Variants in CCDC126 observed in about 807,000 individuals in gnomAD.
CCDC126 encodes the protein coiled-coil domain-containing protein 126.
Under a neutral mutation model 11.7 loss-of-function variants are expected in CCDC126, and 5 were observed. That is an observed-to-expected ratio of 0.43 (90% CI 0.22 to 0.90). The LOEUF (loss-of-function observed/expected upper bound fraction) is 0.90. Among genes scored for constraint, CCDC126 ranks in the 40% least tolerant of loss-of-function variants. The pLI is 0.27. For missense variants in CCDC126, 150 were observed against 163.1 expected (o/e 0.92, Z 0.44); for synonymous variants, 60 against 61.9 (o/e 0.97, Z 0.14).
intron 3 of CCDC126, among the ~76,000 whole-genome samples, chr7:23,638,026 C>T (rs1423224375): frequency 7.3e-6 from 1 of 136,670 alleles, no homozygotes; most frequent in African/African-American, 2.6e-5. Flanking sequence ...CGCCTCTGCC[C>T]GGCCGCCCCT....
chr7:23,627,950 ATTGCTC>A (rs1231861229), intron 3 of CCDC126, among the ~76,000 whole-genome samples: 4 of 152,202 alleles, frequency 2.6e-5, no homozygotes, highest in Non-Finnish European at 5.9e-5. Context: ...TTTAAAAATT[ATTGCTC>A]TTGCACACAA....
chr7:23,617,454 T>C (rs954956777), intron 3 of CCDC126, among the ~76,000 whole-genome samples: 2 of 152,142 alleles, frequency 1.3e-5, no homozygotes, highest in African/African-American at 4.8e-5. Context: ...TTTATGTTTC[T>C]TCCAAATATA....
chr7:23,614,384 G>A (rs1324154759), intron 3 of CCDC126, among the ~76,000 whole-genome samples: 2 of 152,062 alleles, frequency 1.3e-5, no homozygotes, highest in African/African-American at 2.4e-5. Context: ...ATTCAGTCTC[G>A]TTTTCAGGCT....
intron 3 of CCDC126, among the ~76,000 whole-genome samples, chr7:23,635,499 T>C (rs1390999123): frequency 1.3e-5 from 2 of 152,216 alleles, no homozygotes; most frequent in Non-Finnish European, 2.9e-5. Flanking sequence ...ATTGTGAATA[T>C]AGAGAAAGGA....
chr7:23,607,648 G>A (rs1393873695), intron 2 of CCDC126, among the ~76,000 whole-genome samples: 1 of 152,184 alleles, frequency 6.6e-6, no homozygotes, highest in Non-Finnish European at 1.5e-5. Context: ...AACAGTGAGT[G>A]TATTCATATT....
intron 2 of CCDC126, among the ~76,000 whole-genome samples, chr7:23,608,895 G>A (rs149420897): frequency 2.6e-5 from 4 of 152,264 alleles, no homozygotes; most frequent in African/African-American, 9.6e-5. Context: ...TGGTAGGTAG[G>A]GGGCCAGAAG....
chr7:23,612,173 T>C (rs981983963), intron 3 of CCDC126, among the ~76,000 whole-genome samples: 6 of 149,342 alleles, frequency 4.0e-5, no homozygotes, highest in African/African-American at 1.5e-4. Context: ...AAATGTATCT[T>C]GGGCTGGTGT....
At chr7:23,623,721 A>G (rs1267969393) in intron 3 of CCDC126, among the ~76,000 whole-genome samples, 1 of 152,202 alleles carries the variant, frequency 6.6e-6, no homozygotes, top group African/African-American at 2.4e-5. Flanking sequence ...GGGGTATTAT[A>G]CATTTCAAAA....
At chr7:23,606,318 A>G (rs1421239201) in intron 2 of CCDC126, among the ~76,000 whole-genome samples, 2 of 152,116 alleles carry the variant, frequency 1.3e-5, no homozygotes, top group Non-Finnish European at 2.9e-5. Context: ...TTGGCCTCCC[A>G]AAGTGCTGGG....
chr7:23,611,987 C>T (rs998426016), intron 3 of CCDC126, among the ~76,000 whole-genome samples: 1 of 151,896 alleles, frequency 6.6e-6, no homozygotes, highest in African/African-American at 2.4e-5. Context: ...ACTGAAAATA[C>T]AAAAACAAAT....
intron 3 of CCDC126, among the ~76,000 whole-genome samples, chr7:23,632,579 CTTG>C (rs952565354): frequency 3.9e-5 from 6 of 152,184 alleles, no homozygotes; most frequent in Non-Finnish European, 5.9e-5. Context: ...TGTCAGCATT[CTTG>C]TTGTGATATT....
rs942767357 is a variant in CCDC126, at chr7:23,630,158, CAT to C, written c.239-12762_239-12761del. ...CAGAATGCTCTGTTTATCCAATTTA[CAT>C]ATATATATATGACATTCCAACAATA... On this transcript the variant is annotated intron_variant, in intron 3 of 3. Transcript: ENST00000307471. Among the ~76,000 whole-genome samples, 13 of 152,042 alleles carry C rather than the reference CAT, an allele frequency of 8.6e-5. No homozygotes were observed. In the East Asian group the frequency reaches 2.3e-3, roughly 27 times the overall value.
chr7:23,638,016 C>T (rs1275099466), intron 3 of CCDC126, among the ~76,000 whole-genome samples: 5 of 129,660 alleles, frequency 3.9e-5, no homozygotes, highest in African/African-American at 1.1e-4. Context: ...AGGTGAGGAG[C>T]GCCTCTGCCC....
intron 3 of CCDC126, among the ~76,000 whole-genome samples, chr7:23,635,718 T>G (rs943267155): frequency 8.5e-5 from 13 of 152,342 alleles, no homozygotes; most frequent in African/African-American, 3.1e-4. Context: ...TGTTTCTCAT[T>G]TATCCTGACT....
At chr7:23,640,311 A>C (rs1045365542) in intron 3 of CCDC126, among the ~76,000 whole-genome samples, 3 of 151,868 alleles carry the variant, frequency 2.0e-5, no homozygotes, top group Non-Finnish European at 4.4e-5. Context: ...CAGCCTGACC[A>C]ACATGGAGAA....
intron 3 of CCDC126, among the ~76,000 whole-genome samples, chr7:23,615,961 T>C (rs940463630): frequency 6.6e-6 from 1 of 152,206 alleles, no homozygotes; most frequent in African/African-American, 2.4e-5. Flanking sequence ...TGAGCAGATA[T>C]TGTTAGAAAG....
rs1782711646 is a variant in CCDC126 at position 23,611,552 on chromosome 7, T to C, written c.237T>C (p.Tyr79=). 2 of 1,588,348 alleles carry C rather than the reference T, an allele frequency of 1.3e-6. No individual in the cohort carries two copies. The highest frequency in any genetic ancestry group is 1.7e-6 in the Non-Finnish European group (2 of 1,156,820). The change falls in exon 3 of 4, where the codon TAT becomes TAC. Residue 79 remains tyrosine (Y), a splice_region_variant and synonymous_variant. Transcript: ENST00000307471. The stretch of plus-strand genomic sequence containing the variant: ...AGAACGGTGCTTCTATGGCAGGATA[T>C]GGTAAGATAACCGTAGAATATTTCT... ...DVENGASMAG[Y]ADLKRTIAVL...
chr7:23,641,604 G>C (rs952246205), intron 3 of CCDC126, among the ~76,000 whole-genome samples: 1 of 152,126 alleles, frequency 6.6e-6, no homozygotes, highest in African/African-American at 2.4e-5. Context: ...TTCTCTCCTG[G>C]TGATCCCGGA....
chr7:23,600,210 A>G (rs557517707), intron 2 of CCDC126, among the ~76,000 whole-genome samples: 19 of 152,098 alleles, frequency 1.2e-4, no homozygotes, highest in African/African-American at 3.9e-4. Context: ...ATTCAGTGCT[A>G]TTGTCTTCTA....
Sources: allele counts gnomAD v4.1 joint callset (sites outside exome capture counted in the v4.1 genomes callset), GRCh38; gene constraint gnomAD v4.1.1; transcripts MANE v1.5; gene names NCBI Gene and HGNC (gene_info 2026-07-23, HGNC 2026-07-21).